Variants in CSMD1 observed in about 807,000 individuals in gnomAD.
The protein encoded by CSMD1 is CUB and sushi domain-containing protein 1.
CSMD1 carries 213 observed loss-of-function variants against 417.5 expected under a neutral mutation model. That is an observed-to-expected ratio of 0.51 (90% CI 0.46 to 0.57). The LOEUF (loss-of-function observed/expected upper bound fraction) is 0.57, where lower values mean the gene tolerates loss of function less well. CSMD1 is among the 20% of genes least tolerant of loss of function. The pLI is 0.00. For missense variants in CSMD1, 6,923 were observed against 4,529.7 expected, an observed-to-expected ratio of 1.53 and a Z score of -15.17; for synonymous variants, 2,862 against 1,736.8, an observed-to-expected ratio of 1.65 and a Z score of -16.11.
chr8:4,506,753 A>C (rs1802546445), intron 2 of CSMD1, among the ~76,000 whole-genome samples: 1 of 152,180 alleles, frequency 6.6e-6, no homozygotes, highest in Non-Finnish European at 1.5e-5. Flanking sequence ...ATATATGGTT[A>C]AATAAGCATA....
chr8:3,709,932 A>G (rs1260532420), intron 6 of CSMD1, among the ~76,000 whole-genome samples: 1 of 82 alleles, frequency 0.012, no homozygotes, highest in Non-Finnish European at 0.028. Flanking sequence ...TGAAGCATAC[A>G]AGGGGTTGGG....
At chr8:4,286,149 T>C (rs1471209238) in intron 3 of CSMD1, among the ~76,000 whole-genome samples, 1 of 152,074 alleles carries the variant, frequency 6.6e-6, no homozygotes, top group African/African-American at 2.4e-5. Context: ...TTACGTTCTT[T>C]CTGGTACCAT....
At chr8:3,140,188 G>C (rs1818350439) in intron 41 of CSMD1, among the ~76,000 whole-genome samples, 1 of 152,104 alleles carries the variant, frequency 6.6e-6, no homozygotes, top group Non-Finnish European at 1.5e-5. Flanking sequence ...ACAGGCGTGA[G>C]GCCACCACAC....
intron 11 of CSMD1, among the ~76,000 whole-genome samples, chr8:3,475,594 A>G (rs1263288720): frequency 6.6e-6 from 1 of 152,200 alleles, no homozygotes; most frequent in Non-Finnish European, 1.5e-5. Flanking sequence ...AGAGAATTGT[A>G]TTAATCCAAC....
intron 1 of CSMD1, among the ~76,000 whole-genome samples, chr8:4,893,557 G>C (rs1804273490): frequency 6.6e-6 from 1 of 152,060 alleles, no homozygotes; most frequent in South Asian, 2.1e-4. Flanking sequence ...CTCAAACCCA[G>C]ATGACAATTC....
Position 3,468,998 on chromosome 8 carries a change from T to C in CSMD1, c.1449-174A>G, listed in dbSNP as rs982396244. The C allele has an allele frequency of 2.4e-5, 11 of 462,340 alleles. 1 individual carries two copies. In the East Asian group the frequency reaches 3.4e-4, roughly 14 times the overall value. The allele number at this position is 462,340 out of a possible 1,614,324, so 28.6% of individuals were successfully genotyped here. A position where few individuals can be genotyped will look rare whatever the true frequency, so the allele number is the denominator to read the frequency against. On this transcript the variant is annotated intron_variant, in intron 11 of 69. Coordinates refer to ENST00000635120, the MANE Select transcript of CSMD1 (RefSeq NM_033225.6). The stretch of plus-strand genomic sequence containing the variant: ...CATTATATTAATATTCAAACATCAC[T>C]ATCACTGGTGCTTTACAGAAATTAC...
chr8:4,215,087 G>C (rs1037861550), intron 3 of CSMD1, among the ~76,000 whole-genome samples: 6 of 152,146 alleles, frequency 3.9e-5, no homozygotes, highest in Non-Finnish European at 7.4e-5. Flanking sequence ...TACAAACAAT[G>C]CTTCTATTCC....
At chr8:4,941,400 T>C (rs1467035081) in intron 1 of CSMD1, among the ~76,000 whole-genome samples, 2 of 152,206 alleles carry the variant, frequency 1.3e-5, no homozygotes. Context: ...GTCTAAGATA[T>C]TTGTGACATT....
chr8:4,489,859 T>A (rs1801612351), intron 2 of CSMD1, among the ~76,000 whole-genome samples: 1 of 152,042 alleles, frequency 6.6e-6, no homozygotes, highest in Non-Finnish European at 1.5e-5. Context: ...GTAAGCAGGG[T>A]GCCCAGCCAT....
At chr8:3,273,079 A>G (rs1801991267) in intron 26 of CSMD1, among the ~76,000 whole-genome samples, 1 of 152,104 alleles carries the variant, frequency 6.6e-6, no homozygotes, top group East Asian at 1.9e-4. Flanking sequence ...TGTTATAGAT[A>G]GCTCTTATTA....
intron 26 of CSMD1, among the ~76,000 whole-genome samples, chr8:3,256,260 G>C (rs956738150): frequency 9.0e-5 from 13 of 144,638 alleles, no homozygotes; most frequent in East Asian, 4.1e-4. Flanking sequence ...CTGGGAGGCA[G>C]AGGTTTCAGT....
chr8:4,513,479 A>G (rs904003451), intron 2 of CSMD1, among the ~76,000 whole-genome samples: 2 of 152,210 alleles, frequency 1.3e-5, no homozygotes, highest in South Asian at 4.1e-4. Context: ...ACCCACAACA[A>G]AGATGAAATG....
At chr8:2,997,781 T>C (rs1317908144) in intron 54 of CSMD1, among the ~76,000 whole-genome samples, 1 of 152,172 alleles carries the variant, frequency 6.6e-6, no homozygotes, top group African/African-American at 2.4e-5. Context: ...GAGTTATCTT[T>C]AAGGGAGATA....
At chr8:4,860,082 A>T (rs1802035739) in intron 1 of CSMD1, among the ~76,000 whole-genome samples, 1 of 151,168 alleles carries the variant, frequency 6.6e-6, no homozygotes, top group African/African-American at 2.5e-5. Context: ...ATGCAGCCAT[A>T]AAAAAATGAT....
At chr8:4,304,307 T>G (rs527401940) in intron 3 of CSMD1, among the ~76,000 whole-genome samples, 52 of 152,216 alleles carry the variant, frequency 3.4e-4, no homozygotes, top group South Asian at 6.2e-4. Context: ...ATAGAATATA[T>G]AGAAGATATT....
chr8:3,003,149 C>A (rs1185592151), intron 52 of CSMD1, among the ~76,000 whole-genome samples: 3 of 152,156 alleles, frequency 2.0e-5, no homozygotes, highest in East Asian at 1.9e-4. Flanking sequence ...AGGATAACCA[C>A]ACAATTTCAC....
intron 3 of CSMD1, among the ~76,000 whole-genome samples, chr8:4,359,558 G>C (rs1417556835): frequency 6.6e-6 from 1 of 152,180 alleles, no homozygotes; most frequent in Non-Finnish European, 1.5e-5. Flanking sequence ...GCGCAGAAGA[G>C]CCCTGTGTTC....
chr8:4,440,664 C>G (rs1362958635), intron 2 of CSMD1, among the ~76,000 whole-genome samples: 2 of 152,176 alleles, frequency 1.3e-5, no homozygotes, highest in Admixed American at 6.5e-5. Flanking sequence ...ATTTGTGCTG[C>G]TTGAGAATTT....
intron 6 of CSMD1, among the ~76,000 whole-genome samples, chr8:3,710,288 A>G (rs987900541): frequency 6.6e-6 from 1 of 152,152 alleles, no homozygotes; most frequent in African/African-American, 2.4e-5. Flanking sequence ...TTAACTGTAT[A>G]AATAAATCTA....
Sources: allele counts gnomAD v4.1 joint callset (sites outside exome capture counted in the v4.1 genomes callset), GRCh38; gene constraint gnomAD v4.1.1; transcripts MANE v1.5; gene names NCBI Gene and HGNC (gene_info 2026-07-23, HGNC 2026-07-21).